The following PGLYRP2 variants were observed in gnomAD, a reference collection of about 807,000 sequenced individuals.
PGLYRP2 encodes N-acetylmuramoyl-L-alanine amidase.
A neutral mutation model predicts 46.2 loss-of-function variants in PGLYRP2; 38 were observed. The ratio of observed to expected loss-of-function variants is 0.82; its 90% CI spans 0.64 to 1.08. PGLYRP2 has a LOEUF of 1.08. Among genes scored for constraint, PGLYRP2 ranks in the 50% least tolerant of loss-of-function variants. PGLYRP2 has a pLI of 0.00. For synonymous variants in PGLYRP2, 289 were observed against 329.4 expected (o/e 0.88, Z 1.33); for missense variants, 713 against 755.9 (o/e 0.94, Z 0.67).
chr19:15,468,852 G>T, intron 4 of PGLYRP2, 100 bp from the exon 5 acceptor site: 1 of 860,774 alleles, frequency 1.2e-6, no homozygotes, highest in Non-Finnish European at 1.8e-6. Flanking sequence ...AGGGGACAGT[G>T]GCCCAAAGTG....
rs377689927 is a variant in PGLYRP2 at position 15,478,271 on chromosome 19, C to T, written c.61+1040G>A. Among the ~76,000 whole-genome samples the T allele has an allele frequency of 8.5e-5, 13 of 152,104 alleles. No individual in the cohort carries two copies. In the South Asian group the frequency reaches 1.2e-3, roughly 15 times the overall value. ...CTGAGGCAGGAGGATCTGTTGAACC[C>T]GGGAGGTGGAGGTTGCAGTGAGCTG... On this transcript the variant is annotated intron_variant, in intron 1 of 4. Transcript: ENST00000340880.
At position 15,469,736 on chromosome 19, in the gene PGLYRP2, G is replaced by C. The variant is rs761244597; in HGVS notation, c.1537C>G (p.Leu513Val). The C allele has an allele frequency of 6.7e-7, 1 of 1,489,356 alleles. No individual in the cohort carries two copies. Among genetic ancestry groups the C allele is most frequent in the Admixed American group, 2.2e-5 (1 of 44,618 alleles). The allele number at this position is 1,489,356 out of a possible 1,614,324, so 92.3% of individuals were successfully genotyped here. A position where few individuals can be genotyped will look rare whatever the true frequency, so the allele number is the denominator to read the frequency against. ...CCCAGCAGCGCGTAGTCTGGCCGCA[G>C]GAGGCCGGCGCGCACCGCACAACTC... Reference protein sequence around the residue: ...LPSCAVRAGLLRPDYALLGHR... With the variant: ...LPSCAVRAGLVRPDYALLGHR... The change falls in exon 4 of 5, where the codon CTG becomes GTG. Residue 513 changes from leucine to valine, a missense_variant. Leu to Val is a conservative substitution (Grantham distance 32). Coordinates refer to ENST00000340880, the MANE Select transcript of PGLYRP2 (RefSeq NM_052890.4). This position sits in a 1 kb window ranked among gnomAD's most constrained non-coding sequence, Gnocchi z 4.9.
At chr19:15,468,926 T>C in intron 4 of PGLYRP2, 174 bp from the exon 5 acceptor site, 1 of 555,556 alleles carries the variant, frequency 1.8e-6, no homozygotes. Flanking sequence ...CTTAATGAAA[T>C]GGAGTGGCAG....
intron 2 of PGLYRP2, among the ~76,000 whole-genome samples, chr19:15,472,304 G>C (rs1970758135): frequency 6.6e-6 from 1 of 152,106 alleles, no homozygotes; most frequent in African/African-American, 2.4e-5. Context: ...AAAAATTGGG[G>C]GTGGGCCGGA....
Position 15,471,985 on chromosome 19 carries a change from T to G in PGLYRP2, c.1248A>C (p.Ala416=). 1 of 1,613,964 alleles carries G rather than the reference T, an allele frequency of 6.2e-7. No individual in the cohort carries two copies. The highest frequency in any genetic ancestry group is 8.5e-7 in the Non-Finnish European group (1 of 1,179,974). Residue 416 remains alanine (A), a synonymous_variant, in exon 3 of 5, where the codon GCA becomes GCC. Transcript: ENST00000340880. ...AGCGCGTGAAGTCCGTGCAGGGTGG[T>G]GCAGGCACGTAGGTGTGATGCACGT... ...FLYVHHTYVP[A]PPCTDFTRCA... is the part of the protein sequence containing the mutation.
In PGLYRP2 at chr19:15,469,051, CA is replaced by C. The variant is rs1222945475; in HGVS notation, c.1642-300del. 3.9e-6 allele frequency: 2 copies of C among 512,750 alleles called. No homozygotes were observed. Among genetic ancestry groups the C allele is most frequent in the Non-Finnish European group, 6.9e-6 (2 of 288,016 alleles). 31.8% of individuals were successfully genotyped at this position (512,750 alleles called of 1,614,324 possible). On this transcript the variant is annotated intron_variant, in intron 4 of 4. Coordinates refer to ENST00000340880, the MANE Select transcript of PGLYRP2 (RefSeq NM_052890.4). This position sits in a 1 kb window ranked among gnomAD's most constrained non-coding sequence, Gnocchi z 4.9. ...GTTGTGCTGGCATAAGAGTTGTCAT[CA>C]GGGGTTAAGGAGTCAGGGACGAAAC...
chr19:15,475,689 A>G lies in PGLYRP2; in HGVS notation c.981T>C (p.Thr327=), dbSNP rs368580720. ...CCTGCTGGGCCAGGATGGAGGCTGA[A>G]GTCAGAGCAGCACCGTTCTGCCGTC... ...NFRRQNGAAL[T]SASILAQQVW... Residue 327 remains threonine (T), a synonymous_variant, in exon 2 of 5, where the codon ACT becomes ACC. Transcript: ENST00000340880. The G allele has an allele frequency of 4.3e-6, 7 of 1,614,042 alleles. No homozygotes were observed. The highest frequency in any genetic ancestry group is 3.3e-5 in the Admixed American group (2 of 59,986).
In PGLYRP2 at chr19:15,475,953, G is replaced by A. The variant is rs368081084; in HGVS notation, c.717C>T (p.Ser239=). ...AGCCCTCAGTTCCCAGGTCTGGATG[G>A]CTCTGGGTCTGGGAACCTCGGAGGA... is the stretch of plus-strand genomic sequence containing the variant. ...LTFLRGSQTQ[S]HPDLGTEGCW... The change falls in exon 2 of 5, where the codon AGC becomes AGT. Residue 239 remains serine (S), a synonymous_variant. Transcript: ENST00000340880. The A allele has an allele frequency of 1.1e-5, 17 of 1,614,176 alleles. No individual in the cohort carries two copies. Among genetic ancestry groups the A allele is most frequent in the Non-Finnish European group, 1.3e-5 (15 of 1,180,032 alleles).
In PGLYRP2 at chr19:15,469,633, G is replaced by T; in HGVS notation, c.1640C>A (p.Ala547Glu). 1 of 1,573,844 alleles carries T rather than the reference G, an allele frequency of 6.4e-7. No homozygotes were observed. The highest frequency in any genetic ancestry group is 1.7e-5 in the Admixed American group (1 of 57,206). ...GTAGTGCAGGCTGCGAAGACTCACC[G>T]CGGTGAAGTGCGGCCAGGTGCGCAG... ...DLLRTWPHFTATVKPRPARSV... is the reference protein window; with the variant it reads ...DLLRTWPHFTETVKPRPARSV... The change falls in exon 4 of 5, where the codon GCG becomes GAG. Residue 547 changes from alanine to glutamate, a missense_variant and splice_region_variant. Ala to Glu is a moderately radical substitution (Grantham distance 107). Coordinates refer to ENST00000340880, the MANE Select transcript of PGLYRP2 (RefSeq NM_052890.4). The surrounding 1 kb of genome is among the most constrained non-coding windows in gnomAD (Gnocchi z 4.9).
At chr19:15,477,727 T>A (rs899622391) in intron 1 of PGLYRP2, among the ~76,000 whole-genome samples, 1 of 88,046 alleles carries the variant, frequency 1.1e-5, no homozygotes. Flanking sequence ...AAAATTAAAT[T>A]AAAATAAAAT....
chr19:15,469,710 G>T lies in PGLYRP2; in HGVS notation c.1563C>A (p.Gly521=). The change falls in exon 4 of 5, where the codon GGC becomes GGA. Residue 521 remains glycine, a synonymous_variant. Coordinates refer to ENST00000340880, the MANE Select transcript of PGLYRP2 (RefSeq NM_052890.4). The surrounding 1 kb of genome is among the most constrained non-coding windows in gnomAD (Gnocchi z 4.9). ...AGTCGGTGCGCACCAGCTGGCGGTGGCCCAGCAGCGCGTAGTCTGGCCGCA... is the reference window on the plus strand; with the variant it reads ...AGTCGGTGCGCACCAGCTGGCGGTGTCCCAGCAGCGCGTAGTCTGGCCGCA... The part of the protein sequence containing the change: ...GLLRPDYALL[G]HRQLVRTDCP... 4.0e-6 allele frequency: 6 copies of T among 1,507,016 alleles called. No individual in the cohort carries two copies. The highest frequency in any genetic ancestry group is 5.3e-6 in the Non-Finnish European group (6 of 1,133,600). The allele number at this position is 1,507,016 out of a possible 1,614,324, so 93.4% of individuals were successfully genotyped here.
At chr19:15,471,837 G>A (rs956396493) in intron 3 of PGLYRP2, 53 bp downstream of exon 3, 17 of 1,580,012 alleles carry the variant, frequency 1.1e-5, no homozygotes, top group African/African-American at 2.7e-5. Flanking sequence ...CGCCCACTCA[G>A]ACCCCATCCC....
intron 2 of PGLYRP2, among the ~76,000 whole-genome samples, chr19:15,473,856 GAAAA>G (rs60580659): frequency 0.032 from 4,727 of 149,438 alleles, 256 homozygotes; most frequent in African/African-American, 0.11. Context: ...AAGAAAGAAA[GAAAA>G]AGAAAGAAAG....
chr19:15,471,003 G>C (rs909798086), intron 3 of PGLYRP2, among the ~76,000 whole-genome samples: 1 of 151,182 alleles, frequency 6.6e-6, no homozygotes, highest in African/African-American at 2.4e-5. Context: ...GCAGAGATGC[G>C]ATCATAACTC....
intron 1 of PGLYRP2, among the ~76,000 whole-genome samples, chr19:15,478,038 TG>T (rs1359100411): frequency 1.3e-5 from 2 of 152,164 alleles, no homozygotes; most frequent in African/African-American, 4.8e-5. Context: ...TCTCTGAGGT[TG>T]GGTAATTTAT....
chr19:15,469,036 C>T lies in PGLYRP2; in HGVS notation c.1642-284G>A. Reference sequence around the variant, plus strand: ...GGTCATCAGGTCAAAGTTGTGCTGGCATAAGAGTTGTCATCAGGGGTTAAG... The same window carrying T: ...GGTCATCAGGTCAAAGTTGTGCTGGTATAAGAGTTGTCATCAGGGGTTAAG... On this transcript the variant is annotated intron_variant, in intron 4 of 4. Transcript: ENST00000340880. This position sits in a 1 kb window ranked among gnomAD's most constrained non-coding sequence, Gnocchi z 4.9. 2.0e-6 allele frequency: 1 copy of T among 510,228 alleles called. No homozygotes were observed. The highest frequency in any genetic ancestry group is 3.5e-6 in the Non-Finnish European group (1 of 286,174). The allele number at this position is 510,228 out of a possible 1,614,324, so 31.6% of individuals were successfully genotyped here. A position where few individuals can be genotyped will look rare whatever the true frequency, so the allele number is the denominator to read the frequency against.
At position 15,476,391 on chromosome 19, in the gene PGLYRP2, C is replaced by A; in HGVS notation, c.279G>T (p.Leu93=). 2 of 1,614,086 alleles carry A rather than the reference C, an allele frequency of 1.2e-6. No individual in the cohort carries two copies. The highest frequency in any genetic ancestry group is 8.5e-7 in the Non-Finnish European group (1 of 1,179,960). ...PCPLSPELLG[L]TKEVARHDVR... is the part of the protein sequence containing the mutation. ...CGTCATGTCGGGCCACCTCCTTGGT[C>A]AGGCCTAACAGCTCTGGGCTTAGTG... Residue 93 remains leucine, a synonymous_variant, in exon 2 of 5, where the codon CTG becomes CTT. Transcript: ENST00000340880.
chr19:15,474,037 A>G (rs953290106), intron 2 of PGLYRP2, among the ~76,000 whole-genome samples: 1 of 152,132 alleles, frequency 6.6e-6, no homozygotes, highest in Non-Finnish European at 1.5e-5. Context: ...CAGAATAGCT[A>G]TTATTAAAAA....
intron 2 of PGLYRP2, among the ~76,000 whole-genome samples, chr19:15,473,328 G>A (rs982415023): frequency 6.6e-6 from 1 of 151,574 alleles, no homozygotes; most frequent in African/African-American, 2.4e-5. Context: ...AAATTAGCCG[G>A]GCATGGTGGT....
Sources: allele counts gnomAD v4.1 joint callset (sites outside exome capture counted in the v4.1 genomes callset), GRCh38; gene constraint gnomAD v4.1.1; non-coding constraint Gnocchi (gnomAD v3.1); transcripts MANE v1.5; gene names NCBI Gene and HGNC (gene_info 2026-07-23, HGNC 2026-07-21).